Variants in ASTN2 observed in about 807,000 individuals in gnomAD.
ASTN2 encodes the protein astrotactin-2.
ASTN2 carries 54 observed loss-of-function variants against 139.8 expected under a neutral mutation model. The ratio of observed to expected loss-of-function variants is 0.39; its 90% confidence interval spans 0.31 to 0.48. The LOEUF is 0.48. Among genes scored for constraint, ASTN2 ranks in the 20% least tolerant of loss-of-function variants. The pLI, the probability that ASTN2 is intolerant of heterozygous loss-of-function variation, is 0.95. For synonymous variants in ASTN2, 756 were observed against 719.5 expected (o/e 1.05, Z -0.81); for missense variants, 1,565 against 1,725.1 (o/e 0.91, Z 1.64).
chr9:117,253,311 G>A (rs771469980), intron 2 of ASTN2, among the ~76,000 whole-genome samples: 1 of 152,182 alleles, frequency 6.6e-6, no homozygotes, highest in Non-Finnish European at 1.5e-5. Flanking sequence ...TAAAGCAGAG[G>A]AGCAAAGGAG....
At chr9:116,764,679 A>G (rs1282029074) in intron 13 of ASTN2, among the ~76,000 whole-genome samples, 1 of 152,172 alleles carries the variant, frequency 6.6e-6, no homozygotes, top group Non-Finnish European at 1.5e-5. Flanking sequence ...TTATTCAAAT[A>G]TTTCCTGAAT....
At chr9:117,411,268 T>G (rs1038983059) in intron 1 of ASTN2, among the ~76,000 whole-genome samples, 1 of 152,148 alleles carries the variant, frequency 6.6e-6, no homozygotes, top group Non-Finnish European at 1.5e-5. Context: ...TTTGCTATTC[T>G]TTGATCACTT....
chr9:116,701,954 A>G (rs902340212), intron 16 of ASTN2, among the ~76,000 whole-genome samples: 4 of 146,496 alleles, frequency 2.7e-5, no homozygotes, highest in East Asian at 4.1e-4. Flanking sequence ...ATGGAAGTCT[A>G]TCATGTAAAA....
chr9:116,776,129 CA>C (rs1830083578), intron 13 of ASTN2, among the ~76,000 whole-genome samples: 1 of 152,086 alleles, frequency 6.6e-6, no homozygotes, highest in Admixed American at 6.6e-5. Context: ...AGGAAGGATC[CA>C]AAGGTAGAGC....
chr9:116,786,715 TAAAGA>T (rs1213772257), intron 13 of ASTN2, among the ~76,000 whole-genome samples: 3 of 152,340 alleles, frequency 2.0e-5, no homozygotes, highest in African/African-American at 7.2e-5. Context: ...TTAATGCCTG[TAAAGA>T]AATCAGTTTA....
At chr9:116,532,313 C>G (rs569884574) in intron 19 of ASTN2, among the ~76,000 whole-genome samples, 38 of 152,128 alleles carry the variant, frequency 2.5e-4, no homozygotes, top group Admixed American at 8.5e-4. Flanking sequence ...CTGTAGGTTG[C>G]TTGTTCACTC....
chr9:117,238,013 A>G (rs1403570483), intron 2 of ASTN2, among the ~76,000 whole-genome samples: 1 of 152,146 alleles, frequency 6.6e-6, no homozygotes, highest in African/African-American at 2.4e-5. Flanking sequence ...GCCATTGGTC[A>G]TAGCTGAGGG....
intron 1 of ASTN2, among the ~76,000 whole-genome samples, chr9:117,320,885 C>G (rs911139427): frequency 1.3e-5 from 2 of 152,166 alleles, no homozygotes; most frequent in African/African-American, 4.8e-5. Context: ...AATGTGATGG[C>G]ACAGATCAAA....
chr9:116,823,257 G>C (rs1050644324), intron 11 of ASTN2, among the ~76,000 whole-genome samples: 1 of 152,232 alleles, frequency 6.6e-6, no homozygotes, highest in Non-Finnish European at 1.5e-5. Flanking sequence ...AAGCGGAGGA[G>C]AGGGTCACAC....
intron 19 of ASTN2, among the ~76,000 whole-genome samples, chr9:116,522,921 A>G (rs1850940346): frequency 6.6e-6 from 1 of 152,170 alleles, no homozygotes; most frequent in Non-Finnish European, 1.5e-5. Context: ...ATGAATAAAA[A>G]AATAAAATTT....
chr9:116,964,383 A>T (rs1043580502), intron 10 of ASTN2, among the ~76,000 whole-genome samples: 1 of 152,134 alleles, frequency 6.6e-6, no homozygotes, highest in Admixed American at 6.5e-5. Context: ...ATGATTTCTC[A>T]TCTTAGCTTA....
At chr9:116,902,596 T>C (rs573763006) in intron 10 of ASTN2, among the ~76,000 whole-genome samples, 154 of 152,216 alleles carry the variant, frequency 1.0e-3, no homozygotes, top group African/African-American at 3.7e-3. Flanking sequence ...CACTAGGCTA[T>C]ACTATCTGGG....
rs1431820584 is a variant in ASTN2, at chr9:116,428,348, AC to A, written c.3783-2261del. Among the ~76,000 whole-genome samples, 13 of 152,208 alleles carry A rather than the reference AC, an allele frequency of 8.5e-5. No homozygotes were observed. In the East Asian group the frequency reaches 2.5e-3, roughly 29 times the overall value. ...ACAGCAGCCTGGCCAACATACTGAA[AC>A]CCTGTCTTTACTAAAAATACAAAAT... On this transcript the variant is annotated intron_variant, in intron 22 of 22. Coordinates refer to ENST00000313400, the MANE Select transcript of ASTN2 (RefSeq NM_001365068.1).
At chr9:117,188,386 T>C (rs1831262256) in intron 3 of ASTN2, among the ~76,000 whole-genome samples, 1 of 152,146 alleles carries the variant, frequency 6.6e-6, no homozygotes, top group South Asian at 2.1e-4. Flanking sequence ...CCTGCGTATA[T>C]TAATACTGGA....
At chr9:117,370,698 C>T (rs1366994871) in intron 1 of ASTN2, among the ~76,000 whole-genome samples, 1 of 147,674 alleles carries the variant, frequency 6.8e-6, no homozygotes, top group Non-Finnish European at 1.5e-5. Flanking sequence ...TTAACCCCCA[C>T]ATGTCAAACT....
In ASTN2 at chr9:116,976,834, T is replaced by C. The variant is rs1836354589; in HGVS notation, c.1592-49A>G. ...TATTGTTAAGTAGAGTCTCCCCAAA[T>C]AGGCTTTTCTCTGGTTTGCTTGTTT... On this transcript the variant is annotated intron_variant, in intron 7 of 22. Coordinates refer to ENST00000313400, the MANE Select transcript of ASTN2 (RefSeq NM_001365068.1). The C allele has an allele frequency of 3.9e-6, 6 of 1,544,440 alleles. No individual in the cohort carries two copies. The East Asian group carries it at 1.4e-4, about 35-fold the overall frequency.
At chr9:117,137,785 T>G (rs1258989555) in intron 4 of ASTN2, among the ~76,000 whole-genome samples, 2 of 152,110 alleles carry the variant, frequency 1.3e-5, no homozygotes, top group African/African-American at 4.8e-5. Flanking sequence ...TTTGGAAGTA[T>G]AGGGCTGACA....
rs533951103 is a variant in ASTN2 at position 117,089,359 on chromosome 9, C to T, written c.1276+6685G>A. On this transcript the variant is annotated intron_variant, in intron 5 of 22. Transcript: ENST00000313400. Reference sequence around the variant, plus strand: ...ATGAATATATGTTAAATTCTTCCCACTAGTAACCTACTACATTAGCTAGTT... The same window carrying T: ...ATGAATATATGTTAAATTCTTCCCATTAGTAACCTACTACATTAGCTAGTT... Among the ~76,000 whole-genome samples the T allele has an allele frequency of 2.6e-5, 4 of 152,304 alleles. No homozygotes were observed. In the South Asian group the frequency reaches 8.3e-4, roughly 32 times the overall value.
At chr9:117,323,806 G>C (rs1054173857) in intron 1 of ASTN2, among the ~76,000 whole-genome samples, 1 of 151,880 alleles carries the variant, frequency 6.6e-6, no homozygotes, top group African/African-American at 2.4e-5. Context: ...AGCCCTTGTT[G>C]TAGCTAGGCA....
Sources: gnomAD v4.1 joint callset for allele counts (sites outside exome capture counted in the v4.1 genomes callset) on GRCh38, gnomAD v4.1.1 for gene constraint, MANE v1.5 for transcripts, NCBI Gene and HGNC (gene_info 2026-07-23, HGNC 2026-07-21) for gene names.